The following MEI1 variants were observed in gnomAD, a reference collection of about 807,000 sequenced individuals.
MEI1 encodes the protein meiosis inhibitor protein 1.
MEI1 carries 103 observed loss-of-function variants against 146.2 expected under a neutral mutation model. The ratio of observed to expected loss-of-function variants is 0.70; its 90% CI spans 0.60 to 0.83. MEI1 has a LOEUF of 0.83. Ranked by LOEUF, MEI1 falls within the 40% of genes least tolerant of loss-of-function variation. The pLI is 0.00. For synonymous variants in MEI1, 652 were observed against 628.2 expected (o/e 1.04, Z -0.57); for missense variants, 1,529 against 1,533.0 (o/e 1.00, Z 0.04).
intron 21 of MEI1, among the ~76,000 whole-genome samples, chr22:41,777,059 C>T (rs9607838): frequency 0.035 from 5,339 of 152,116 alleles, 214 homozygotes; most frequent in African/African-American, 0.097. Context: ...TCAAGTGATC[C>T]GCCCACCTCA....
chr22:41,739,424 C>T (rs371671864), intron 11 of MEI1, among the ~76,000 whole-genome samples: 2 of 152,132 alleles, frequency 1.3e-5, no homozygotes, highest in Non-Finnish European at 2.9e-5. Flanking sequence ...CCCCTCTCTT[C>T]CCTACTTCTA....
At chr22:41,773,689 C>T (rs1336498814) in intron 20 of MEI1, among the ~76,000 whole-genome samples, 1 of 151,872 alleles carries the variant, frequency 6.6e-6, no homozygotes, top group Admixed American at 6.6e-5. Flanking sequence ...GCCTGGTCAA[C>T]ATGGTGAAAC....
chr22:41,747,575 A>C (rs1192351821), intron 14 of MEI1, among the ~76,000 whole-genome samples: 1 of 151,938 alleles, frequency 6.6e-6, no homozygotes, highest in Middle Eastern at 3.2e-3. Context: ...GTGATGGCGC[A>C]TGACTGTAAT....
rs762954646 is a variant in MEI1 at position 41,794,449 on chromosome 22, G to C, written c.3506G>C (p.Arg1169Thr). The C allele has an allele frequency of 6.2e-7, 1 of 1,613,932 alleles. No homozygotes were observed. Among genetic ancestry groups the C allele is most frequent in the South Asian group, 1.1e-5 (1 of 91,066 alleles). ...LLDAGENSFLRPEILRLMTLF... is the reference protein window; with the variant it reads ...LLDAGENSFLTPEILRLMTLF... ...GATGCTGGAGAGAATTCCTTCCTCA[G>C]ACCTGAGATTTTGAGGCTCATGACC... is the stretch of plus-strand genomic sequence containing the variant. Residue 1169 changes from arginine to threonine, a missense_variant, in exon 28 of 31, where the codon AGA becomes ACA. Physicochemically the swap from Arg to Thr is moderately conservative, Grantham distance 71 (BLOSUM62 -1). This residue lies in a region of MEI1 where 313 missense variants were observed against 337.3 expected (regional missense o/e 0.93). Transcript: ENST00000401548.
intron 21 of MEI1, 38 bp from the exon 22 acceptor site, chr22:41,778,670 C>A: frequency 6.7e-7 from 1 of 1,494,456 alleles, no homozygotes; most frequent in Admixed American, 1.9e-5. Context: ...GTGATCTGAG[C>A]ATCAGGCTTC....
At chr22:41,767,401 C>T (rs2074925110) in intron 19 of MEI1, among the ~76,000 whole-genome samples, 2 of 152,114 alleles carry the variant, frequency 1.3e-5, no homozygotes, top group Admixed American at 1.3e-4. Flanking sequence ...CTCTGAGATC[C>T]TTTCTGATTC....
rs749696412 is a variant in MEI1 at position 41,776,086 on chromosome 22, C to T, written c.2545-16C>T. On this transcript the variant is annotated splice_polypyrimidine_tract_variant and intron_variant, in intron 20 of 30. Transcript: ENST00000401548. ...GCAGTACCCTCTGATCTCTGGCTTT[C>T]TTCTCTCCTGCTCAGGACCTCATCT... is the stretch of plus-strand genomic sequence containing the variant. 9.3e-6 allele frequency: 15 copies of T among 1,612,312 alleles called. No individual in the cohort carries two copies. The South Asian group carries it at 1.5e-4, about 17-fold the overall frequency.
At chr22:41,753,183 A>T (rs2073886322) in intron 16 of MEI1, among the ~76,000 whole-genome samples, 2 of 152,022 alleles carry the variant, frequency 1.3e-5, no homozygotes, top group Admixed American at 1.3e-4. Context: ...ATTCCTGGCT[A>T]ATTTTTGTGT....
intron 7 of MEI1, among the ~76,000 whole-genome samples, chr22:41,725,246 G>C (rs1170639253): frequency 6.6e-6 from 1 of 151,936 alleles, no homozygotes; most frequent in Non-Finnish European, 1.5e-5. Flanking sequence ...TGAGTAGTTG[G>C]GATTACAGGC....
At chr22:41,780,694 C>T (rs1165933885) in intron 22 of MEI1, among the ~76,000 whole-genome samples, 2 of 151,658 alleles carry the variant, frequency 1.3e-5, no homozygotes, top group Admixed American at 1.3e-4. Flanking sequence ...GATCCTTCCA[C>T]CTCAGCCTCT....
At chr22:41,759,652 TAAATAAATAA>T (rs2074336775) in intron 18 of MEI1, among the ~76,000 whole-genome samples, 1 of 139,576 alleles carries the variant, frequency 7.2e-6, no homozygotes, top group Non-Finnish European at 1.5e-5. Context: ...AATAAATAAA[TAAATAAATAA>T]AAATAAAAAT....
intron 6 of MEI1, among the ~76,000 whole-genome samples, chr22:41,720,923 C>T (rs1475339227): frequency 6.6e-6 from 1 of 151,976 alleles, no homozygotes; most frequent in Admixed American, 6.6e-5. Context: ...AGGTGCTTGC[C>T]ACCACGCCCG....
At chr22:41,756,519 G>A (rs2074102473) in intron 17 of MEI1, among the ~76,000 whole-genome samples, 1 of 152,016 alleles carries the variant, frequency 6.6e-6, no homozygotes, top group South Asian at 2.1e-4. Context: ...TGTTGCCCAG[G>A]CTGGAGTGCA....
At chr22:41,751,208 C>T (rs549596925) in intron 15 of MEI1, among the ~76,000 whole-genome samples, 5 of 152,282 alleles carry the variant, frequency 3.3e-5, no homozygotes, top group Admixed American at 3.3e-4. Flanking sequence ...CTTGGTGCCC[C>T]TTCCTGGGAA....
chr22:41,699,702 C>G lies in MEI1; in HGVS notation c.164C>G (p.Pro55Arg). ...TGCGCGCTGGAGCTGCTGCCGGACC[C>G]CGGCGTGTCGGTGCGGGCGGAACCT... ...LACALELLPD[P>R]GVSLVRKKHM... Residue 55 changes from proline (P) to arginine (R), a missense_variant, in exon 1 of 31, where the codon CCC becomes CGC. Pro to Arg is a moderately radical substitution (Grantham distance 103). Transcript: ENST00000401548. 1 of 1,578,206 alleles carries G rather than the reference C, an allele frequency of 6.3e-7. No individual in the cohort carries two copies. The highest frequency in any genetic ancestry group is 1.1e-5 in the South Asian group (1 of 87,116).
intron 26 of MEI1, among the ~76,000 whole-genome samples, chr22:41,789,826 GC>G (rs1242651018): frequency 6.6e-6 from 1 of 152,216 alleles, no homozygotes; most frequent in Non-Finnish European, 1.5e-5. Context: ...TGTAGAAGGT[GC>G]TGGGCCTACC....
chr22:41,700,579 CCTCGGCTTCCCATAGTG>C (rs66702434), intron 1 of MEI1, among the ~76,000 whole-genome samples: 96,948 of 151,908 alleles, frequency 0.64, 34,087 homozygotes, highest in East Asian at 0.92. Flanking sequence ...GATCCACCCG[CCTCGGCTTCCCATAGTG>C]CTGGGATTAT....
chr22:41,738,412 C>G (rs1181208612), intron 11 of MEI1, among the ~76,000 whole-genome samples: 1 of 152,128 alleles, frequency 6.6e-6, no homozygotes, highest in African/African-American at 2.4e-5. Context: ...CGTGGTTCAT[C>G]CCCGTTTCTA....
intron 7 of MEI1, among the ~76,000 whole-genome samples, chr22:41,726,373 AAACTT>A (rs1362588489): frequency 2.0e-5 from 3 of 152,198 alleles, no homozygotes; most frequent in South Asian, 2.1e-4. Context: ...TTTAAGCTTA[AAACTT>A]AACTTAAAAG....
Sources: allele counts gnomAD v4.1 joint callset (sites outside exome capture counted in the v4.1 genomes callset), GRCh38; gene constraint gnomAD v4.1.1; regional missense constraint gnomAD v4.1.1; transcripts MANE v1.5; gene names NCBI Gene and HGNC (gene_info 2026-07-23, HGNC 2026-07-21).